Variants in NCOA2 observed in about 807,000 individuals in gnomAD.
The protein encoded by NCOA2 is nuclear receptor coactivator 2.
NCOA2 carries 21 observed loss-of-function variants against 145.1 expected under a neutral mutation model. That is an observed-to-expected ratio of 0.14 (90% CI 0.10 to 0.21). The LOEUF (loss-of-function observed/expected upper bound fraction) is 0.21, where lower values mean the gene tolerates loss of function less well. Ranked by LOEUF, NCOA2 falls within the 10% of genes least tolerant of loss-of-function variation. The pLI is 1.00. For synonymous variants in NCOA2, 619 were observed against 637.5 expected, an observed-to-expected ratio of 0.97 and a Z score of 0.44; for missense variants, 1,472 against 1,837.6, an observed-to-expected ratio of 0.80 and a Z score of 3.64.
chr8:70,435,687 T>TTA, the NCOA2 span, among the ~76,000 whole-genome samples: 231 of 150,648 alleles, frequency 1.5e-3, 2 homozygotes, highest in Non-Finnish European at 1.3e-3. Context: ...CCTTTTCTAC[T>TTA]TATATATATA....
chr8:70,275,033 C>T (rs1825367203), intron 2 of NCOA2, among the ~76,000 whole-genome samples: 1 of 152,136 alleles, frequency 6.6e-6, no homozygotes, highest in Non-Finnish European at 1.5e-5. Flanking sequence ...AATTTCTGCA[C>T]ATAAAAAACT....
At chr8:70,424,035 A>C in the NCOA2 span, 4 of 155,482 alleles carry the variant, frequency 2.6e-5, no homozygotes, top group African/African-American at 9.6e-5. Flanking sequence ...ATGAATGGTT[A>C]TTTAATGTTT....
At chr8:70,360,201 G>C (rs1408315789) in intron 1 of NCOA2, among the ~76,000 whole-genome samples, 1 of 152,124 alleles carries the variant, frequency 6.6e-6, no homozygotes, top group Non-Finnish European at 1.5e-5. Flanking sequence ...AAATGAAAGA[G>C]CCTAACATAA....
chr8:70,363,103 G>T (rs1181508093), intron 1 of NCOA2, among the ~76,000 whole-genome samples: 4 of 137,492 alleles, frequency 2.9e-5, no homozygotes, highest in Non-Finnish European at 6.3e-5. Flanking sequence ...AAAAAAAAAG[G>T]CCTGGCACGG....
chr8:70,248,554 G>A (rs1032570419), intron 2 of NCOA2, among the ~76,000 whole-genome samples: 2 of 152,106 alleles, frequency 1.3e-5, no homozygotes. Flanking sequence ...GGTCTTGGGG[G>A]ATTGCTTCCA....
intron 2 of NCOA2, among the ~76,000 whole-genome samples, chr8:70,276,711 T>A (rs1210338102): frequency 1.3e-5 from 2 of 152,224 alleles, no homozygotes; most frequent in African/African-American, 4.8e-5. Context: ...TTCCTAACCA[T>A]GTGAAACTGT....
chr8:70,375,885 A>T (rs1371493914), intron 1 of NCOA2, among the ~76,000 whole-genome samples: 6 of 152,246 alleles, frequency 3.9e-5, no homozygotes, highest in Non-Finnish European at 7.3e-5. Flanking sequence ...TGAATTAAGC[A>T]TGACTTTTCC....
At chr8:70,224,753 C>T (rs970779592) in intron 2 of NCOA2, among the ~76,000 whole-genome samples, 4 of 150,256 alleles carry the variant, frequency 2.7e-5, no homozygotes, top group Non-Finnish European at 5.9e-5. Context: ...ACACTTGATA[C>T]GTTACATATA....
At chr8:70,422,214 G>A in the NCOA2 span, among the ~76,000 whole-genome samples, 1 of 152,094 alleles carries the variant, frequency 6.6e-6, no homozygotes. Flanking sequence ...TGCAAAGTTA[G>A]GGAATTGAAA....
chr8:70,267,397 T>G (rs1490347431), intron 2 of NCOA2, among the ~76,000 whole-genome samples: 4 of 148,630 alleles, frequency 2.7e-5, no homozygotes, highest in South Asian at 2.1e-4. Flanking sequence ...TTTCTGTTTT[T>G]TTTTTTTTTT....
chr8:70,241,073 G>A (rs937955026), intron 2 of NCOA2, among the ~76,000 whole-genome samples: 13 of 152,042 alleles, frequency 8.6e-5, no homozygotes, highest in African/African-American at 2.9e-4. Flanking sequence ...GGAAGGGTCT[G>A]TATACCTTCC....
intron 21 of NCOA2, among the ~76,000 whole-genome samples, chr8:70,123,474 G>A (rs1808054274): frequency 6.6e-6 from 1 of 152,134 alleles, no homozygotes; most frequent in Non-Finnish European, 1.5e-5. Context: ...CCAAGATAGT[G>A]CCACTGCGCT....
At chr8:70,263,094 C>T (rs879654705) in intron 2 of NCOA2, among the ~76,000 whole-genome samples, 1 of 150,236 alleles carries the variant, frequency 6.7e-6, no homozygotes, top group Admixed American at 6.7e-5. Flanking sequence ...ATCCAAATTG[C>T]CAGCATCAAT....
At chr8:70,242,916 T>C (rs911653896) in intron 2 of NCOA2, among the ~76,000 whole-genome samples, 2 of 152,058 alleles carry the variant, frequency 1.3e-5, no homozygotes, top group Non-Finnish European at 2.9e-5. Flanking sequence ...ATTATAATAT[T>C]TGTGGTTAAT....
the NCOA2 span, among the ~76,000 whole-genome samples, chr8:70,434,548 A>G: frequency 1.3e-5 from 2 of 152,100 alleles, no homozygotes; most frequent in African/African-American, 4.8e-5. Context: ...AGTGTTTCTC[A>G]ATCTCATTTT....
intron 18 of NCOA2, among the ~76,000 whole-genome samples, chr8:70,127,622 G>A (rs1808582421): frequency 6.6e-6 from 1 of 152,166 alleles, no homozygotes; most frequent in African/African-American, 2.4e-5. Flanking sequence ...CTGTCAGTGA[G>A]AGGCATGAGG....
intron 1 of NCOA2, among the ~76,000 whole-genome samples, chr8:70,366,558 T>TA (rs944970913): frequency 6.6e-6 from 1 of 151,516 alleles, no homozygotes; most frequent in East Asian, 1.9e-4. Flanking sequence ...TGTTATTTTT[T>TA]AAATCTAAAC....
At chr8:70,243,180 A>G (rs909531420) in intron 2 of NCOA2, among the ~76,000 whole-genome samples, 6 of 152,160 alleles carry the variant, frequency 3.9e-5, no homozygotes, top group African/African-American at 1.4e-4. Context: ...ACCATCAGGA[A>G]TAAAAACTAC....
At chr8:70,344,280 A>G (rs986159498) in intron 1 of NCOA2, among the ~76,000 whole-genome samples, 5 of 152,236 alleles carry the variant, frequency 3.3e-5, no homozygotes, top group African/African-American at 9.6e-5. Flanking sequence ...GCTGAAGACC[A>G]GATGGGGACT....
Sources: gnomAD v4.1 joint callset for allele counts (sites outside exome capture counted in the v4.1 genomes callset) on GRCh38, gnomAD v4.1.1 for gene constraint, MANE v1.5 for transcripts, NCBI Gene and HGNC (gene_info 2026-07-23, HGNC 2026-07-21) for gene names.